FUT8: variants seen among roughly 807,000 people sequenced by gnomAD.
FUT8 encodes fucosyltransferase 8.
In FUT8, 29 loss-of-function variants were observed where a neutral mutation model predicts 71.3. The ratio of observed to expected loss-of-function variants is 0.41; its 90% CI spans 0.30 to 0.55. FUT8 has a LOEUF of 0.55. Ranked by LOEUF, FUT8 falls within the 20% of genes least tolerant of loss-of-function variation. FUT8 has a pLI of 0.34. For synonymous variants in FUT8, 254 were observed against 239.3 expected, an observed-to-expected ratio of 1.06 and a Z score of -0.57; for missense variants, 544 against 702.1, an observed-to-expected ratio of 0.77 and a Z score of 2.55.
At chr14:65,379,848 G>A in the FUT8 span, among the ~76,000 whole-genome samples, 1 of 152,300 alleles carries the variant, frequency 6.6e-6, no homozygotes, top group Middle Eastern at 3.4e-3. Flanking sequence ...ATCTTGCTGG[G>A]CATCCTCACA....
At chr14:65,549,969 G>C (rs1006564884) in intron 2 of FUT8, among the ~76,000 whole-genome samples, 15 of 152,184 alleles carry the variant, frequency 9.9e-5, no homozygotes, top group Admixed American at 9.8e-4. Flanking sequence ...GCTGAGGCAG[G>C]AGAATCGCTT....
At position 65,468,499 on chromosome 14, in the gene FUT8, T is replaced by A. The variant is rs79716216; in HGVS notation, c.-228+12781T>A. On this transcript the variant is annotated intron_variant, in intron 2 of 10. Coordinates refer to ENST00000673929, the MANE Select transcript of FUT8 (RefSeq NM_001371533.1). ...TCTTTATTTCTCTGTGGATAAGATGTTTTCTGTGTGTGTTGATTTTTTTCT... is the reference window on the plus strand; with the variant it reads ...TCTTTATTTCTCTGTGGATAAGATGATTTCTGTGTGTGTTGATTTTTTTCT... Among the ~76,000 whole-genome samples the A allele has an allele frequency of 5.6e-3, 855 of 152,106 alleles. 29 individuals are homozygous for A. The East Asian group carries it at 0.091, about 16-fold the overall frequency.
At chr14:65,684,259 TA>T (rs1893171436) in intron 7 of FUT8, among the ~76,000 whole-genome samples, 1 of 152,136 alleles carries the variant, frequency 6.6e-6, no homozygotes. Context: ...AAAACAGGAG[TA>T]ACCACAGATG....
intron 7 of FUT8, among the ~76,000 whole-genome samples, chr14:65,707,731 GCCTTTTTGCATTGTGTGTTGGCA>G (rs1209241523): frequency 6.6e-6 from 1 of 152,118 alleles, no homozygotes; most frequent in African/African-American, 2.4e-5. Context: ...GAAGAGATGA[GCCTTTTTGCATTGTGTGTTGGCA>G]CCTTTGTCAA....
At chr14:65,623,573 G>A (rs546694971) in intron 5 of FUT8, among the ~76,000 whole-genome samples, 22 of 152,062 alleles carry the variant, frequency 1.4e-4, no homozygotes, top group African/African-American at 4.8e-4. Context: ...AAAAAAGCTC[G>A]TCAGGCATGT....
intron 1 of FUT8, among the ~76,000 whole-genome samples, chr14:65,434,892 C>A (rs527473780): frequency 1.1e-4 from 17 of 152,280 alleles, no homozygotes; most frequent in African/African-American, 3.1e-4. Context: ...CTGCGATACA[C>A]AGTTCTATGG....
At chr14:65,679,578 A>G (rs981006608) in intron 7 of FUT8, among the ~76,000 whole-genome samples, 1 of 152,184 alleles carries the variant, frequency 6.6e-6, no homozygotes, top group African/African-American at 2.4e-5. Context: ...ATCATGATTT[A>G]TATATTGCCT....
At chr14:65,485,460 C>T (rs2066395165) in intron 2 of FUT8, among the ~76,000 whole-genome samples, 1 of 152,118 alleles carries the variant, frequency 6.6e-6, no homozygotes, top group Non-Finnish European at 1.5e-5. Flanking sequence ...CTAGTTATTC[C>T]TCACTACTGA....
intron 6 of FUT8, among the ~76,000 whole-genome samples, chr14:65,645,696 C>T (rs1891092500): frequency 6.6e-6 from 1 of 152,082 alleles, no homozygotes; most frequent in African/African-American, 2.4e-5. Context: ...TTTTAATTGT[C>T]TACACTACAT....
At chr14:65,544,945 C>G (rs1345186151) in intron 2 of FUT8, among the ~76,000 whole-genome samples, 1 of 151,592 alleles carries the variant, frequency 6.6e-6, no homozygotes, top group Non-Finnish European at 1.5e-5. Context: ...TCCTCCCTGT[C>G]TTACCCTCTT....
In FUT8 at chr14:65,721,765, A is replaced by G. The variant is rs1451801139; in HGVS notation, c.836-10A>G. The G allele has an allele frequency of 1.2e-6, 2 of 1,613,854 alleles. No homozygotes were observed. The highest frequency in any genetic ancestry group is 2.2e-5 in the East Asian group (1 of 44,882). On this transcript the variant is annotated splice_polypyrimidine_tract_variant and intron_variant, in intron 7 of 10. Transcript: ENST00000673929. ...CATGTGGTAATGATTATATGTTTCA[A>G]TATTGTCAGGTGAAGTGAAGGACAA...
chr14:65,599,616 G>A (rs1888194058), intron 3 of FUT8, among the ~76,000 whole-genome samples: 1 of 152,190 alleles, frequency 6.6e-6, no homozygotes, highest in Non-Finnish European at 1.5e-5. Flanking sequence ...TCCTGGGCCA[G>A]ACATCTAGAG....
intron 6 of FUT8, among the ~76,000 whole-genome samples, chr14:65,634,792 T>G (rs990034912): frequency 1.3e-5 from 2 of 152,222 alleles, no homozygotes. Context: ...TCTTTTTGCT[T>G]AGTCTTGCTT....
chr14:65,493,014 C>T (rs2066504650), intron 2 of FUT8, among the ~76,000 whole-genome samples: 1 of 152,056 alleles, frequency 6.6e-6, no homozygotes, highest in African/African-American at 2.4e-5. Flanking sequence ...AACTTGGGCT[C>T]TCCAATAGTT....
chr14:65,739,894 G>C (rs1458354315), intron 10 of FUT8, among the ~76,000 whole-genome samples: 1 of 152,020 alleles, frequency 6.6e-6, no homozygotes, highest in Non-Finnish European at 1.5e-5. Flanking sequence ...AGAATTTTAT[G>C]GGGATGCTGA....
chr14:65,702,661 G>A (rs1359531403), intron 7 of FUT8, among the ~76,000 whole-genome samples: 1 of 152,078 alleles, frequency 6.6e-6, no homozygotes. Context: ...ATGATTTGGA[G>A]CTACCAGGTA....
chr14:65,367,938 A>C, the FUT8 span, among the ~76,000 whole-genome samples: 1 of 152,170 alleles, frequency 6.6e-6, no homozygotes, highest in Non-Finnish European at 1.5e-5. Flanking sequence ...TTGGAAAAGA[A>C]AGTATCTTTA....
At chr14:65,614,736 G>A (rs1889191179) in intron 3 of FUT8, among the ~76,000 whole-genome samples, 1 of 152,032 alleles carries the variant, frequency 6.6e-6, no homozygotes. Context: ...GAAGACACTT[G>A]TTATTACAAA....
At chr14:65,392,580 A>G in the FUT8 span, among the ~76,000 whole-genome samples, 463 of 152,322 alleles carry the variant, frequency 3.0e-3, 3 homozygotes, top group African/African-American at 0.011. Context: ...CAGCCAGCCA[A>G]TGAAAGAATA....
Sources: allele counts gnomAD v4.1 joint callset (sites outside exome capture counted in the v4.1 genomes callset), GRCh38; gene constraint gnomAD v4.1.1; transcripts MANE v1.5; gene names NCBI Gene and HGNC (gene_info 2026-07-23, HGNC 2026-07-21).